Variants in NRG3 observed in about 807,000 individuals in gnomAD.
The protein encoded by NRG3 is pro-neuregulin-3, membrane-bound isoform.
NRG3 carries 31 observed loss-of-function variants against 66.9 expected under a neutral mutation model. That is an observed-to-expected ratio of 0.46 (90% CI 0.35 to 0.63). The LOEUF (loss-of-function observed/expected upper bound fraction) is 0.63, where lower values mean the gene tolerates loss of function less well. Ranked by LOEUF, NRG3 falls within the 20% of genes least tolerant of loss-of-function variation. NRG3 has a pLI of 0.00. For synonymous variants in NRG3, 393 were observed against 359.4 expected (o/e 1.09, Z -1.06); for missense variants, 910 against 878.9 (o/e 1.04, Z -0.45).
In NRG3 at chr10:82,952,939, T is replaced by C. The variant is rs1027384476; in HGVS notation, c.1157+1368T>C. On this transcript the variant is annotated intron_variant, in intron 5 of 8. Transcript: ENST00000372141. The stretch of plus-strand genomic sequence containing the variant: ...GCAAAAATAGAACAGACAGTTTCTA[T>C]ATACCTTAGACCAAAGTTCCTCCAT... 1.9e-4 allele frequency among the ~76,000 whole-genome samples: 29 copies of C among 152,034 alleles called. 1 individual carries two copies. Among genetic ancestry groups the C allele is most frequent in the African/African-American group, 6.8e-4 (28 of 41,258 alleles).
chr10:82,357,659 T>C (rs1589836722), intron 1 of NRG3, among the ~76,000 whole-genome samples: 1 of 152,056 alleles, frequency 6.6e-6, no homozygotes, highest in South Asian at 2.1e-4. Flanking sequence ...AACAGTTCCA[T>C]CATGGGGGCC....
chr10:82,841,669 C>A (rs2135752705), intron 3 of NRG3, among the ~76,000 whole-genome samples: 1 of 152,194 alleles, frequency 6.6e-6, no homozygotes, highest in African/African-American at 2.4e-5. Flanking sequence ...CCCTCACAAA[C>A]TATTGAGGGT....
intron 2 of NRG3, among the ~76,000 whole-genome samples, chr10:82,501,593 G>A (rs190202539): frequency 9.9e-5 from 15 of 151,988 alleles, no homozygotes; most frequent in Non-Finnish European, 1.8e-4. Context: ...CCAATATACC[G>A]GGGAGCCTCT....
chr10:82,626,528 T>C (rs2049433834), intron 2 of NRG3, among the ~76,000 whole-genome samples: 1 of 152,082 alleles, frequency 6.6e-6, no homozygotes, highest in African/African-American at 2.4e-5. Flanking sequence ...AATAAACCCA[T>C]GCACAGGTGT....
intron 3 of NRG3, among the ~76,000 whole-genome samples, chr10:82,772,615 A>C (rs1035642084): frequency 6.6e-6 from 1 of 151,264 alleles, no homozygotes; most frequent in Non-Finnish European, 1.5e-5. Context: ...TTCACTTAAC[A>C]TAAGGTCTTC....
chr10:82,271,249 C>T (rs867743793), intron 1 of NRG3, among the ~76,000 whole-genome samples: 6 of 151,932 alleles, frequency 3.9e-5, no homozygotes, highest in African/African-American at 9.7e-5. Flanking sequence ...TGGAGAACTC[C>T]TGATTTTACA....
intron 2 of NRG3, among the ~76,000 whole-genome samples, chr10:82,453,839 C>G (rs977118708): frequency 6.6e-6 from 1 of 152,056 alleles, no homozygotes; most frequent in Non-Finnish European, 1.5e-5. Flanking sequence ...TTTGATGATG[C>G]TTCTAAAGGG....
intron 1 of NRG3, among the ~76,000 whole-genome samples, chr10:82,296,585 ATACAAATTG>A (rs989932717): frequency 6.6e-6 from 1 of 152,196 alleles, no homozygotes; most frequent in Non-Finnish European, 1.5e-5. Flanking sequence ...TTGACCATGC[ATACAAATTG>A]TAATGATCAA....
chr10:82,722,306 C>T (rs1259319405), intron 2 of NRG3, among the ~76,000 whole-genome samples: 1 of 152,140 alleles, frequency 6.6e-6, no homozygotes, highest in East Asian at 1.9e-4. Flanking sequence ...AAAACCTGCA[C>T]TTGCATCTAT....
intron 1 of NRG3, among the ~76,000 whole-genome samples, chr10:81,931,400 A>G (rs1163815773): frequency 6.6e-6 from 1 of 152,212 alleles, no homozygotes; most frequent in African/African-American, 2.4e-5. Flanking sequence ...ATTATGCAAC[A>G]AAAGATTTCC....
At chr10:82,402,363 C>T (rs928545447) in intron 2 of NRG3, among the ~76,000 whole-genome samples, 2 of 152,054 alleles carry the variant, frequency 1.3e-5, no homozygotes, top group Non-Finnish European at 2.9e-5. Flanking sequence ...TATAGCTGTG[C>T]CTAGTTAGTA....
intron 2 of NRG3, among the ~76,000 whole-genome samples, chr10:82,484,131 C>T (rs1484803741): frequency 6.6e-6 from 1 of 152,104 alleles, no homozygotes; most frequent in East Asian, 1.9e-4. Flanking sequence ...GCATACCTGC[C>T]CATTCCCACC....
chr10:82,244,710 A>G (rs1446062466), intron 1 of NRG3, among the ~76,000 whole-genome samples: 1 of 152,046 alleles, frequency 6.6e-6, no homozygotes, highest in Non-Finnish European at 1.5e-5. Flanking sequence ...TGGTTTCGGG[A>G]TAACTCAAGT....
chr10:82,302,269 A>T (rs545367654), intron 1 of NRG3, among the ~76,000 whole-genome samples: 11 of 152,118 alleles, frequency 7.2e-5, no homozygotes, highest in Non-Finnish European at 1.6e-4. Flanking sequence ...TTGCAAAAAA[A>T]ATCTATATCA....
chr10:82,699,893 C>A lies in NRG3; in HGVS notation c.954-38684C>A, dbSNP rs558697824. Among the ~76,000 whole-genome samples the A allele has an allele frequency of 2.0e-5, 3 of 151,984 alleles. No homozygotes were observed. The East Asian group carries it at 5.8e-4, about 29-fold the overall frequency. ...TGTGTGTGTGTGTGCATTCAAAGCA[C>A]ACAGCATGATTTCTAACATACACTA... On this transcript the variant is annotated intron_variant, in intron 2 of 8. Transcript: ENST00000372141.
Position 82,717,223 on chromosome 10 carries a change from C to T in NRG3, c.954-21354C>T, listed in dbSNP as rs371353876. Among the ~76,000 whole-genome samples the T allele has an allele frequency of 3.0e-4, 46 of 152,166 alleles. No homozygotes were observed. In the South Asian group the frequency reaches 7.0e-3, roughly 23 times the overall value. On this transcript the variant is annotated intron_variant, in intron 2 of 8. Transcript: ENST00000372141. Reference sequence around the variant, plus strand: ...ATTTTGGTCTATCTGAGGCTTGATTCTGAGCCCTGAGCTTGTATTATATAA... The same window carrying T: ...ATTTTGGTCTATCTGAGGCTTGATTTTGAGCCCTGAGCTTGTATTATATAA...
intron 3 of NRG3, among the ~76,000 whole-genome samples, chr10:82,812,728 G>A (rs1222773495): frequency 6.6e-6 from 1 of 152,130 alleles, no homozygotes; most frequent in Non-Finnish European, 1.5e-5. Flanking sequence ...TAGAAATATT[G>A]AGAAACCTGG....
At position 82,085,538 on chromosome 10, in the gene NRG3, G is replaced by T. The variant is rs901313102; in HGVS notation, c.823+209375G>T. On this transcript the variant is annotated intron_variant, in intron 1 of 8. Coordinates refer to ENST00000372141, the MANE Select transcript of NRG3 (RefSeq NM_001010848.4). ...ACAGAGGGCAAGCAACCATGCATGA[G>T]AGAGAGAAGAAAAGGGGGACAGACT... Among the ~76,000 whole-genome samples the T allele has an allele frequency of 2.0e-5, 3 of 152,174 alleles. No individual in the cohort carries two copies. The East Asian group carries it at 5.8e-4, about 29-fold the overall frequency.
At chr10:82,104,508 C>T (rs978066945) in intron 1 of NRG3, among the ~76,000 whole-genome samples, 1 of 152,138 alleles carries the variant, frequency 6.6e-6, no homozygotes, top group African/African-American at 2.4e-5. Context: ...TTTGTTGCCA[C>T]TATCCGTCTT....
Sources: gnomAD v4.1 joint callset for allele counts (sites outside exome capture counted in the v4.1 genomes callset) on GRCh38, gnomAD v4.1.1 for gene constraint, MANE v1.5 for transcripts, NCBI Gene and HGNC (gene_info 2026-07-23, HGNC 2026-07-21) for gene names.